Variants in DNAJC1 observed in about 807,000 individuals in gnomAD.
DNAJC1 encodes the protein DnaJ heat shock protein family (Hsp40) member C1, also known as dnaJ homolog subfamily C member 1.
In DNAJC1, 58 loss-of-function variants were observed where a neutral mutation model predicts 76.6. The ratio of observed to expected loss-of-function variants is 0.76; its 90% CI spans 0.61 to 0.94. DNAJC1 has a LOEUF of 0.94. Among genes scored for constraint, DNAJC1 ranks in the 40% least tolerant of loss-of-function variants. DNAJC1 has a pLI of 0.00. For missense variants in DNAJC1, 689 were observed against 677.3 expected (o/e 1.02, Z -0.19); for synonymous variants, 258 against 267.9 (o/e 0.96, Z 0.36).
chr10:21,864,841 A>G (rs1454144531), intron 8 of DNAJC1, among the ~76,000 whole-genome samples: 1 of 152,132 alleles, frequency 6.6e-6, no homozygotes, highest in Admixed American at 6.5e-5. Context: ...AACATACAGG[A>G]ACACAGCACG....
intron 6 of DNAJC1, among the ~76,000 whole-genome samples, chr10:21,915,927 G>T (rs1836946761): frequency 6.6e-6 from 1 of 150,872 alleles, no homozygotes; most frequent in African/African-American, 2.4e-5. Context: ...GGGATCACTT[G>T]AGCCCAGGAG....
chr10:21,878,730 T>C (rs1836225074), intron 8 of DNAJC1, among the ~76,000 whole-genome samples: 1 of 152,162 alleles, frequency 6.6e-6, no homozygotes, highest in Admixed American at 6.6e-5. Flanking sequence ...AGTGGACCTA[T>C]GCAGTTTAAA....
chr10:21,935,792 T>C (rs1478348431), intron 1 of DNAJC1, among the ~76,000 whole-genome samples: 2 of 152,056 alleles, frequency 1.3e-5, no homozygotes, highest in African/African-American at 4.8e-5. Context: ...TCAGAGATTA[T>C]GGAGGCTAGA....
At chr10:21,820,269 C>A (rs911908434) in intron 8 of DNAJC1, among the ~76,000 whole-genome samples, 1 of 152,070 alleles carries the variant, frequency 6.6e-6, no homozygotes, top group African/African-American at 2.4e-5. Context: ...CTTTTTACTG[C>A]TGAAAAATAT....
At chr10:21,931,288 T>A (rs1837218027) in intron 1 of DNAJC1, among the ~76,000 whole-genome samples, 1 of 152,192 alleles carries the variant, frequency 6.6e-6, no homozygotes. Flanking sequence ...TACAGACAGC[T>A]CTCTTCTAAG....
intron 7 of DNAJC1, among the ~76,000 whole-genome samples, chr10:21,902,047 T>G (rs1235996169): frequency 1.3e-5 from 2 of 152,236 alleles, no homozygotes; most frequent in African/African-American, 4.8e-5. Context: ...TAAATGTGAC[T>G]GTTCTTTAAC....
At chr10:21,883,664 A>T (rs1479964081) in intron 7 of DNAJC1, among the ~76,000 whole-genome samples, 9 of 152,204 alleles carry the variant, frequency 5.9e-5, no homozygotes, top group Admixed American at 5.2e-4. Context: ...GTTGGGCAAA[A>T]TAACATAGTG....
At chr10:22,001,883 T>C (rs571210101) in intron 1 of DNAJC1, among the ~76,000 whole-genome samples, 3 of 152,340 alleles carry the variant, frequency 2.0e-5, no homozygotes, top group African/African-American at 7.2e-5. Flanking sequence ...CATCATTTGC[T>C]TTGAAAATGA....
intron 8 of DNAJC1, among the ~76,000 whole-genome samples, chr10:21,809,637 T>C (rs916716796): frequency 5.3e-5 from 8 of 151,826 alleles, no homozygotes; most frequent in Admixed American, 1.3e-4. Flanking sequence ...ATGTATTAGA[T>C]GGGATGGGAT....
In DNAJC1 at chr10:21,912,321, A is replaced by T. The variant is rs572186177; in HGVS notation, c.729+6458T>A. On this transcript the variant is annotated intron_variant, in intron 6 of 11. Transcript: ENST00000376980. ...TTTTCATCTATAAAATATGGAATTG[A>T]TGAGACTATATGTTGCTAACATCCT... Among the ~76,000 whole-genome samples, 13 of 152,266 alleles carry T rather than the reference A, an allele frequency of 8.5e-5. No homozygotes were observed. In the East Asian group the frequency reaches 2.5e-3, roughly 29 times the overall value.
intron 8 of DNAJC1, among the ~76,000 whole-genome samples, chr10:21,846,312 T>C (rs1835658525): frequency 6.6e-6 from 1 of 152,172 alleles, no homozygotes; most frequent in East Asian, 1.9e-4. Context: ...CCTGCTACTT[T>C]ATTGGAACTC....
chr10:21,779,686 G>A (rs574642022), intron 9 of DNAJC1, among the ~76,000 whole-genome samples: 28 of 152,280 alleles, frequency 1.8e-4, no homozygotes, highest in Non-Finnish European at 2.5e-4. Flanking sequence ...AAATCTGAGC[G>A]CCTCTCCTCC....
At chr10:21,900,706 A>T (rs1482580563) in intron 7 of DNAJC1, among the ~76,000 whole-genome samples, 1 of 152,196 alleles carries the variant, frequency 6.6e-6, no homozygotes, top group Non-Finnish European at 1.5e-5. Flanking sequence ...GTTTTATAAT[A>T]TGAAATGGCA....
intron 8 of DNAJC1, among the ~76,000 whole-genome samples, chr10:21,817,117 G>A (rs184221084): frequency 6.5e-5 from 8 of 123,464 alleles, no homozygotes; most frequent in African/African-American, 1.9e-4. Context: ...CTGAGATCGC[G>A]CCACTGCACT....
At chr10:21,952,594 T>TA (rs1837617252) in intron 1 of DNAJC1, among the ~76,000 whole-genome samples, 1 of 152,030 alleles carries the variant, frequency 6.6e-6, no homozygotes, top group African/African-American at 2.4e-5. Flanking sequence ...CTATCTCTAC[T>TA]AAAAAAATAC....
At position 21,816,543 on chromosome 10, in the gene DNAJC1, C is replaced by T. The variant is rs868562609; in HGVS notation, c.979-10444G>A. On this transcript the variant is annotated intron_variant, in intron 8 of 11. Transcript: ENST00000376980. ...GGCAGCAAAGAGACACTGTCTCTCT[C>T]TCTTTTTTTTTTTTTTTTTTGAGAC... 3.5e-3 allele frequency among the ~76,000 whole-genome samples: 488 copies of T among 139,618 alleles called. 5 individuals carry two copies. The highest frequency in any genetic ancestry group is 1.0e-2 in the African/African-American group (360 of 36,012). The allele number at this position is 139,618 out of a possible 152,430, so 91.6% of individuals were successfully genotyped here.
chr10:21,791,250 T>C (rs1834682729), intron 9 of DNAJC1, among the ~76,000 whole-genome samples: 1 of 152,128 alleles, frequency 6.6e-6, no homozygotes, highest in African/African-American at 2.4e-5. Context: ...GCAAATATTA[T>C]TAGATCTAAA....
intron 8 of DNAJC1, among the ~76,000 whole-genome samples, chr10:21,865,094 G>A (rs998789842): frequency 3.3e-5 from 5 of 152,140 alleles, no homozygotes; most frequent in African/African-American, 1.2e-4. Flanking sequence ...TGGAGCAATT[G>A]CACTTCTCAC....
chr10:21,969,522 C>T (rs1055899175), intron 1 of DNAJC1, among the ~76,000 whole-genome samples: 5 of 152,138 alleles, frequency 3.3e-5, no homozygotes, highest in Admixed American at 1.3e-4. Context: ...ATGAGTCGGA[C>T]TCTGAGTGTA....
Sources: allele counts gnomAD v4.1 joint callset (sites outside exome capture counted in the v4.1 genomes callset), GRCh38; gene constraint gnomAD v4.1.1; transcripts MANE v1.5; gene names NCBI Gene and HGNC (gene_info 2026-07-23, HGNC 2026-07-21).